The following ARHGAP23 variants were observed in gnomAD, a reference collection of about 807,000 sequenced individuals.
ARHGAP23 encodes the protein Rho GTPase activating protein 23, also known as rho GTPase-activating protein 23.
In ARHGAP23, 34 loss-of-function variants were observed where a neutral mutation model predicts 136.3. The observed-to-expected ratio is 0.25, with a 90% CI of 0.19 to 0.33. The LOEUF (loss-of-function observed/expected upper bound fraction) is 0.33, where lower values mean the gene tolerates loss of function less well. Among genes scored for constraint, ARHGAP23 ranks in the 10% least tolerant of loss-of-function variants. The probability of loss-of-function intolerance (pLI) is 1.00; values close to 1 mark genes in which losing one functional copy is unlikely to be tolerated. For synonymous variants in ARHGAP23, 832 were observed against 920.5 expected, an observed-to-expected ratio of 0.90 and a Z score of 1.74; for missense variants, 1,808 against 2,139.0, an observed-to-expected ratio of 0.85 and a Z score of 3.05.
At chr17:38,440,621 C>T (rs1029407273) in intron 1 of ARHGAP23, among the ~76,000 whole-genome samples, 2 of 152,170 alleles carry the variant, frequency 1.3e-5, no homozygotes, top group African/African-American at 2.4e-5. Context: ...CCCCCTAGCC[C>T]GGTGCCAGGC....
chr17:38,426,564 A>AAAAAAAAAAAAAAAAAAAAAAAAC (rs2038573320), upstream of ARHGAP23, among the ~76,000 whole-genome samples: 1 of 150,730 alleles, frequency 6.6e-6, no homozygotes, highest in African/African-American at 2.4e-5. Context: ...AAAAAAAAAA[A>AAAAAAAAAAAAAAAAAAAAAAAAC]AAAAAAAATC....
intron 14 of ARHGAP23, among the ~76,000 whole-genome samples, chr17:38,480,948 CAT>C (rs891613809): frequency 6.6e-6 from 1 of 151,760 alleles, no homozygotes; most frequent in Non-Finnish European, 1.5e-5. Context: ...GCCTGGGTAA[CAT>C]AGAAAGGTCC....
chr17:38,463,524 G>C, intron 6 of ARHGAP23, 142 bp downstream of exon 6: 1 of 1,040,018 alleles, frequency 9.6e-7, no homozygotes, highest in Non-Finnish European at 1.4e-6. Context: ...CCCTGGGCTG[G>C]GGCTGGTTGT....
chr17:38,510,142 C>T lies in ARHGAP23; in HGVS notation c.3646C>T (p.Pro1216Ser). 1 of 1,273,712 alleles carries T rather than the reference C, an allele frequency of 7.9e-7. No individual in the cohort carries two copies. Among genetic ancestry groups the T allele is most frequent in the South Asian group, 3.1e-5 (1 of 32,060 alleles). 78.9% of individuals were successfully genotyped at this position (1,273,712 alleles called of 1,614,324 possible). A position where few individuals can be genotyped will look rare whatever the true frequency, so the allele number is the denominator to read the frequency against. Residue 1216 changes from proline (P) to serine (S), a missense_variant, in exon 24 of 24, where the codon CCG (proline) becomes TCG (serine). Transcript: ENST00000622683. This position sits in a 1 kb window ranked among gnomAD's most constrained non-coding sequence, Gnocchi z 4.6. The part of the protein sequence containing the change: ...APGTQERPQG[P>S]LPGAVAPEAP... ...GGGGACTCAGGAGCGGCCGCAGGGG[C>T]CGCTGCCTGGCGCCGTCGCCCCCGA...
At position 38,460,899 on chromosome 17, in the gene ARHGAP23, C is replaced by G. The variant is rs1362712765; in HGVS notation, c.226-6C>G. 1 of 1,535,962 alleles carries G rather than the reference C, an allele frequency of 6.5e-7. No homozygotes were observed. The highest frequency in any genetic ancestry group is 2.4e-5 in the East Asian group (1 of 40,930). ...ACGCCCACACCCACTCCTCTGTTCCCTGCAGGAGGAAGAGAATGGAGGCCG... is the reference window on the plus strand; with the variant it reads ...ACGCCCACACCCACTCCTCTGTTCCGTGCAGGAGGAAGAGAATGGAGGCCG... On this transcript the variant is annotated splice_region_variant and splice_polypyrimidine_tract_variant and intron_variant, in intron 2 of 23. Coordinates refer to ENST00000622683, the MANE Select transcript of ARHGAP23 (RefSeq NM_001199417.2).
rs780183495 is a variant in ARHGAP23 at position 38,498,523 on chromosome 17, G to A, written c.3415+13G>A. ...GACCCGGGGTCAGGTGAGCGCAGGG[G>A]CCTGGGAGTGGGGAGGCGGGAGGTT... is the stretch of plus-strand genomic sequence containing the variant. On this transcript the variant is annotated intron_variant, in intron 22 of 23. Coordinates refer to ENST00000622683, the MANE Select transcript of ARHGAP23 (RefSeq NM_001199417.2). 1.9e-5 allele frequency: 29 copies of A among 1,529,364 alleles called. No individual in the cohort carries two copies. Among genetic ancestry groups the A allele is most frequent in the Non-Finnish European group, 2.6e-5 (29 of 1,135,366 alleles). 94.7% of individuals were successfully genotyped at this position (1,529,364 alleles called of 1,614,324 possible).
intron 1 of ARHGAP23, among the ~76,000 whole-genome samples, chr17:38,447,843 GTT>G (rs1247981577): frequency 6.6e-6 from 1 of 152,268 alleles, no homozygotes; most frequent in African/African-American, 2.4e-5. Flanking sequence ...CCAGCCTGCT[GTT>G]GCCTGGGCAA....
At chr17:38,420,539 C>T (rs934008629) in intron 1 of ARHGAP23, among the ~76,000 whole-genome samples, 1 of 152,070 alleles carries the variant, frequency 6.6e-6, no homozygotes, top group African/African-American at 2.4e-5. Context: ...TGTGGGTGGC[C>T]TGTGATGGTG....
In ARHGAP23 at chr17:38,492,808, G is replaced by A. The variant is rs550947088; in HGVS notation, c.3276+1276G>A. Among the ~76,000 whole-genome samples, 9 of 152,318 alleles carry A rather than the reference G, an allele frequency of 5.9e-5. No individual in the cohort carries two copies. In the South Asian group the frequency reaches 1.2e-3, roughly 21 times the overall value. On this transcript the variant is annotated intron_variant, in intron 20 of 23. Transcript: ENST00000622683. ...GAGGCCAGGGCTGCCCTGCAGCGTC[G>A]GGGATCCTGATGAGGCCTTGGGAAA...
chr17:38,438,695 G>A (rs531493070), intron 1 of ARHGAP23, among the ~76,000 whole-genome samples: 33 of 151,200 alleles, frequency 2.2e-4, no homozygotes, highest in Admixed American at 1.8e-3. Context: ...TAAGAGTGGA[G>A]TATGTTGGCT....
At chr17:38,481,128 A>C (rs541968323) in intron 14 of ARHGAP23, among the ~76,000 whole-genome samples, 5 of 150,702 alleles carry the variant, frequency 3.3e-5, no homozygotes, top group Non-Finnish European at 4.4e-5. Flanking sequence ...GGCATGTGCC[A>C]CCACGCCCGG....
intron 10 of ARHGAP23, among the ~76,000 whole-genome samples, chr17:38,470,252 G>A (rs1230301490): frequency 6.6e-6 from 1 of 152,026 alleles, no homozygotes; most frequent in Non-Finnish European, 1.5e-5. Flanking sequence ...GCCTCCCTTC[G>A]CTACTCTATG....
At chr17:38,493,175 TTCTCTC>T (rs1001610282) in intron 20 of ARHGAP23, among the ~76,000 whole-genome samples, 3 of 151,252 alleles carry the variant, frequency 2.0e-5, no homozygotes, top group Non-Finnish European at 2.9e-5. Flanking sequence ...TTCTTTCTCT[TTCTCTC>T]TCTCTCTTTT....
At chr17:38,436,187 G>C (rs1226510768) in intron 1 of ARHGAP23, among the ~76,000 whole-genome samples, 1 of 152,106 alleles carries the variant, frequency 6.6e-6, no homozygotes, top group Non-Finnish European at 1.5e-5. Context: ...AAGAGGAGAG[G>C]GTAGGAGGCA....
upstream of ARHGAP23, among the ~76,000 whole-genome samples, chr17:38,427,933 C>A (rs551384735): frequency 8.3e-4 from 126 of 152,224 alleles, no homozygotes; most frequent in African/African-American, 3.0e-3. Context: ...TTTCTGTCTT[C>A]CCCCCTTTCT....
At chr17:38,445,433 C>T (rs963934929) in intron 1 of ARHGAP23, among the ~76,000 whole-genome samples, 2 of 151,622 alleles carry the variant, frequency 1.3e-5, no homozygotes, top group African/African-American at 4.8e-5. Context: ...GCTGAGAGCA[C>T]GCCATTGCAC....
intron 20 of ARHGAP23, 44 bp from the exon 21 acceptor site, chr17:38,497,741 C>T (rs980120494): frequency 3.2e-6 from 5 of 1,540,446 alleles, no homozygotes; most frequent in East Asian, 4.9e-5. Flanking sequence ...AGAGACTCTT[C>T]TTTCCCATGC....
intron 17 of ARHGAP23, chr17:38,489,742 CCCT>C (rs1182627670): frequency 4.2e-6 from 1 of 237,552 alleles, no homozygotes; most frequent in African/African-American, 2.2e-5. Flanking sequence ...TGTCTGAAGC[CCCT>C]CCTCCTCTCC....
At chr17:38,440,454 G>A (rs1351709120) in intron 1 of ARHGAP23, among the ~76,000 whole-genome samples, 1 of 152,220 alleles carries the variant, frequency 6.6e-6, no homozygotes, top group Non-Finnish European at 1.5e-5. Flanking sequence ...GATTTGTTGA[G>A]CAACTTCTAC....
Sources: allele counts gnomAD v4.1 joint callset (sites outside exome capture counted in the v4.1 genomes callset), GRCh38; gene constraint gnomAD v4.1.1; non-coding constraint Gnocchi (gnomAD v3.1); transcripts MANE v1.5; gene names NCBI Gene and HGNC (gene_info 2026-07-23, HGNC 2026-07-21).